The following FOXK2 variants were observed in gnomAD, a reference collection of about 807,000 sequenced individuals.
FOXK2 encodes the protein forkhead box K2.
FOXK2 carries 24 observed loss-of-function variants against 53.3 expected under a neutral mutation model. The observed-to-expected ratio is 0.45, with a 90% CI of 0.33 to 0.63. The LOEUF is 0.63. Ranked by LOEUF, FOXK2 falls within the 30% of genes least tolerant of loss-of-function variation. The pLI is 0.03. For missense variants in FOXK2, 952 were observed against 910.5 expected (o/e 1.05, Z -0.59); for synonymous variants, 505 against 407.1 (o/e 1.24, Z -2.89).
intron 1 of FOXK2, chr17:82,559,280 C>T (rs944784465): frequency 2.1e-5 from 9 of 436,698 alleles, no homozygotes; most frequent in South Asian, 1.1e-4. Flanking sequence ...TCTGAGGTTG[C>T]GCGGTTGGTG....
At chr17:82,558,306 C>G (rs1370066867) in intron 1 of FOXK2, among the ~76,000 whole-genome samples, 2 of 152,184 alleles carry the variant, frequency 1.3e-5, no homozygotes. Context: ...TTGCTGCACT[C>G]CAACCTGGGC....
intron 1 of FOXK2, among the ~76,000 whole-genome samples, chr17:82,521,150 T>C (rs1216584992): frequency 6.6e-6 from 1 of 152,040 alleles, no homozygotes; most frequent in Non-Finnish European, 1.5e-5. Context: ...AAGTACAGCC[T>C]TTGTCCACAC....
chr17:82,593,181 A>C (rs7220002), intron 8 of FOXK2, among the ~76,000 whole-genome samples: 10,287 of 125,960 alleles, frequency 0.082, 322 homozygotes, highest in Middle Eastern at 0.13. Flanking sequence ...AAGCAGACCC[A>C]GTGAAGGTCT....
intron 4 of FOXK2, among the ~76,000 whole-genome samples, chr17:82,581,416 C>T (rs187684567): frequency 1.9e-3 from 284 of 151,820 alleles, no homozygotes; most frequent in Non-Finnish European, 3.2e-3. Flanking sequence ...TCTTCAGCTT[C>T]AGCATCCTTA....
chr17:82,528,255 T>C (rs1276639459), intron 1 of FOXK2, among the ~76,000 whole-genome samples: 2 of 152,196 alleles, frequency 1.3e-5, no homozygotes, highest in African/African-American at 4.8e-5. Context: ...GAGATGAGGC[T>C]GTTACAGTAA....
intron 1 of FOXK2, among the ~76,000 whole-genome samples, chr17:82,540,063 C>G (rs1399981065): frequency 1.3e-5 from 2 of 152,058 alleles, no homozygotes; most frequent in Non-Finnish European, 2.9e-5. Flanking sequence ...GGCGGATCAC[C>G]TGAGGTCGGG....
In FOXK2 at chr17:82,576,790, TGTG is replaced by T. The variant is rs373443386; in HGVS notation, c.909+4927_909+4929del. 3.7e-4 allele frequency: 225 copies of T among 602,132 alleles called. 1 individual carries two copies. In the African/African-American group the frequency reaches 3.9e-3, roughly 11 times the overall value. 37.3% of individuals were successfully genotyped at this position (602,132 alleles called of 1,614,324 possible). A position where few individuals can be genotyped will look rare whatever the true frequency, so the allele number is the denominator to read the frequency against. On this transcript the variant is annotated intron_variant, in intron 4 of 8. Transcript: ENST00000335255. ...CTGCTTCATTTTTATGGTGCTGTAATGTGGTGGTGAAAGCTGCCATGTTGAATC... is the reference window on the plus strand; with the variant it reads ...CTGCTTCATTTTTATGGTGCTGTAATGTGGTGAAAGCTGCCATGTTGAATC...
chr17:82,561,056 G>A (rs984967518), intron 1 of FOXK2, among the ~76,000 whole-genome samples: 2 of 152,188 alleles, frequency 1.3e-5, no homozygotes, highest in South Asian at 2.1e-4. Context: ...GCCTTCAGAC[G>A]TTTTCTCCTG....
At chr17:82,593,513 A>G (rs949748381) in intron 8 of FOXK2, 4 of 152,502 alleles carry the variant, frequency 2.6e-5, no homozygotes, top group East Asian at 1.9e-4. Flanking sequence ...CTGGACGGCT[A>G]TAGCCCCACG....
At chr17:82,580,923 C>G (rs543983457) in intron 4 of FOXK2, among the ~76,000 whole-genome samples, 1 of 152,060 alleles carries the variant, frequency 6.6e-6, no homozygotes, top group African/African-American at 2.4e-5. Context: ...GCCTAGCCCT[C>G]CTCTCCATGT....
intron 1 of FOXK2, among the ~76,000 whole-genome samples, chr17:82,524,634 C>T (rs1188801083): frequency 6.6e-6 from 1 of 152,168 alleles, no homozygotes; most frequent in Admixed American, 6.6e-5. Flanking sequence ...ATGGCTTCTT[C>T]AAGTCCTTGA....
chr17:82,550,456 T>C (rs2044664663), intron 1 of FOXK2, among the ~76,000 whole-genome samples: 1 of 151,494 alleles, frequency 6.6e-6, no homozygotes, highest in Admixed American at 6.6e-5. Flanking sequence ...TTTCAAGATG[T>C]TGGCAGTAAG....
intron 8 of FOXK2, chr17:82,599,264 ATGTTTT>A (rs1222285352): frequency 6.6e-6 from 1 of 151,728 alleles, no homozygotes; most frequent in Non-Finnish European, 1.5e-5. Flanking sequence ...TGCCCGGCTA[ATGTTTT>A]TGTATTTTTA....
At chr17:82,520,591 T>C (rs1238791551) in intron 1 of FOXK2, among the ~76,000 whole-genome samples, 2 of 152,248 alleles carry the variant, frequency 1.3e-5, no homozygotes, top group African/African-American at 4.8e-5. Flanking sequence ...TCAAGGTTTC[T>C]GGGTTCTGTG....
At chr17:82,521,992 G>T (rs2044367538) in intron 1 of FOXK2, among the ~76,000 whole-genome samples, 1 of 147,946 alleles carries the variant, frequency 6.8e-6, no homozygotes, top group African/African-American at 2.5e-5. Context: ...TTATACTGTA[G>T]ACGGTATGAA....
chr17:82,546,547 G>A (rs1208700059), intron 1 of FOXK2, among the ~76,000 whole-genome samples: 1 of 152,188 alleles, frequency 6.6e-6, no homozygotes, highest in Non-Finnish European at 1.5e-5. Flanking sequence ...TGCAGGTCCC[G>A]AGTGGAGGGA....
At chr17:82,567,434 T>C (rs1308725215) in intron 2 of FOXK2, among the ~76,000 whole-genome samples, 1 of 152,198 alleles carries the variant, frequency 6.6e-6, no homozygotes, top group East Asian at 1.9e-4. Context: ...TGGGAAAAAG[T>C]GGCTGTTTGA....
In FOXK2 at chr17:82,586,034, G is replaced by A. The variant is rs746896767; in HGVS notation, c.1410G>A (p.Thr470=). 7 of 1,612,682 alleles carry A rather than the reference G, an allele frequency of 4.3e-6. No homozygotes were observed. Among genetic ancestry groups the A allele is most frequent in the African/African-American group, 1.3e-5 (1 of 74,926 alleles). ...TSTSQPPVVQ[T]VHVVHQIPAV... ...CCTCCCAGCCACCCGTCGTGCAGAC[G>A]GTTCACGTCGTCCACCAGATCCCAG... Residue 470 remains threonine (T), a synonymous_variant, in exon 7 of 9, where the codon ACG becomes ACA. Coordinates refer to ENST00000335255, the MANE Select transcript of FOXK2 (RefSeq NM_004514.4).
At chr17:82,547,343 A>G (rs191376308) in intron 1 of FOXK2, among the ~76,000 whole-genome samples, 1 of 152,276 alleles carries the variant, frequency 6.6e-6, no homozygotes, top group African/African-American at 2.4e-5. Context: ...AGTATTGTCT[A>G]CACTAACAAG....
Sources: allele counts gnomAD v4.1 joint callset (sites outside exome capture counted in the v4.1 genomes callset), GRCh38; gene constraint gnomAD v4.1.1; transcripts MANE v1.5; gene names NCBI Gene and HGNC (gene_info 2026-07-23, HGNC 2026-07-21).